THADA: variants seen among roughly 807,000 people sequenced by gnomAD.
THADA encodes THADA armadillo repeat containing, also known as tRNA (32-2'-O)-methyltransferase regulator THADA.
In THADA, 213 loss-of-function variants were observed where a neutral mutation model predicts 219.8. The observed-to-expected ratio is 0.97, with a 90% CI of 0.87 to 1.09. THADA has a LOEUF of 1.09. THADA is among the 50% of genes least tolerant of loss of function. The pLI is 0.00. For missense variants in THADA, 2,956 were observed against 2,311.3 expected (o/e 1.28, Z -5.72); for synonymous variants, 1,018 against 828.9 (o/e 1.23, Z -3.92).
intron 9 of THADA, 97 bp downstream of exon 9, chr2:43,578,416 G>C: frequency 1.2e-6 from 1 of 833,372 alleles, no homozygotes; most frequent in East Asian, 2.9e-5. Context: ...CAAAGTGTTG[G>C]GATTATAAGT....
intron 16 of THADA, among the ~76,000 whole-genome samples, chr2:43,558,850 T>C (rs1288669932): frequency 6.6e-6 from 1 of 152,184 alleles, no homozygotes; most frequent in African/African-American, 2.4e-5. Flanking sequence ...CCTTTAACTA[T>C]TTTACTAATC....
chr2:43,417,009 C>T (rs531327140), intron 28 of THADA, among the ~76,000 whole-genome samples: 117 of 148,128 alleles, frequency 7.9e-4, no homozygotes, highest in African/African-American at 2.8e-3. Flanking sequence ...AAAGTTTCAA[C>T]ACGAATTGAT....
rs556113090 is a variant in THADA, at chr2:43,456,318, A to T, written c.3837-26016T>A. On this transcript the variant is annotated intron_variant, in intron 26 of 37. Coordinates refer to ENST00000405975, the MANE Select transcript of THADA (RefSeq NM_022065.5). ...ATTCAGCCTACTTCCAATGGCAATT[A>T]AAAAATAATAATATGCACAGCATTT... Among the ~76,000 whole-genome samples the T allele has an allele frequency of 1.1e-4, 16 of 152,356 alleles. No individual in the cohort carries two copies. The South Asian group carries it at 2.3e-3, about 22-fold the overall frequency.
At chr2:43,292,601 T>A (rs1674862872) in intron 32 of THADA, among the ~76,000 whole-genome samples, 2 of 152,214 alleles carry the variant, frequency 1.3e-5, no homozygotes, top group South Asian at 4.1e-4. Context: ...TGTCTTTGGT[T>A]AATCTCTGCC....
In THADA at chr2:43,592,003, T is replaced by G. The variant is rs1322977584; in HGVS notation, c.120A>C (p.Leu40Phe). 1.9e-6 allele frequency: 3 copies of G among 1,564,238 alleles called. No individual in the cohort carries two copies. In the Admixed American group the frequency reaches 5.7e-5, roughly 30 times the overall value. The change falls in exon 3 of 38, where the codon TTA (leucine) becomes TTC (phenylalanine). Residue 40 changes from leucine (L) to phenylalanine (F), a missense_variant. Transcript: ENST00000405975. ...VEGKNLASLL[L>F]HCVQLTDGVS... ...CTCCATCCGTGAGTTGCACACAATG[T>G]AACAGCAAAGAAGCTAGATTTTTCC...
At chr2:43,524,031 CA>C (rs1171463137) in intron 22 of THADA, among the ~76,000 whole-genome samples, 1 of 152,044 alleles carries the variant, frequency 6.6e-6, no homozygotes, top group African/African-American at 2.4e-5. Flanking sequence ...TGAATGTCAC[CA>C]AAAAGTTGAA....
intron 29 of THADA, among the ~76,000 whole-genome samples, chr2:43,389,442 A>T (rs1673087164): frequency 6.6e-6 from 1 of 152,204 alleles, no homozygotes; most frequent in Non-Finnish European, 1.5e-5. Context: ...CACCATAGCG[A>T]TACCCTAGTC....
chr2:43,447,874 C>G (rs531303513), intron 26 of THADA, among the ~76,000 whole-genome samples: 1 of 152,190 alleles, frequency 6.6e-6, no homozygotes. Flanking sequence ...AAAAACCACT[C>G]TGGTCTTTGC....
At chr2:43,265,963 ACACACAC>A (rs1671469917) in intron 36 of THADA, among the ~76,000 whole-genome samples, 1 of 134,064 alleles carries the variant, frequency 7.5e-6, no homozygotes, top group Admixed American at 7.2e-5. Context: ...ACACACACAC[ACACACAC>A]ACACACACAC....
intron 36 of THADA, 112 bp downstream of exon 36, chr2:43,279,653 C>T (rs759040583): frequency 5.0e-5 from 68 of 1,369,886 alleles, no homozygotes; most frequent in Non-Finnish European, 6.0e-5. Flanking sequence ...AGAGTTGAGA[C>T]ACAGACCAAA....
intron 21 of THADA, among the ~76,000 whole-genome samples, chr2:43,540,885 G>A (rs1046048393): frequency 6.6e-6 from 1 of 152,106 alleles, no homozygotes; most frequent in Non-Finnish European, 1.5e-5. Flanking sequence ...TATGTGAAAT[G>A]GAGAAATAAA....
chr2:43,344,265 G>A, intron 29 of THADA, 28 bp from the exon 30 acceptor site: 1 of 1,487,172 alleles, frequency 6.7e-7, no homozygotes, highest in Non-Finnish European at 9.2e-7. Context: ...AAAAAATCCT[G>A]CTGTGAAAAT....
At chr2:43,541,122 C>A in intron 21 of THADA, 37 bp downstream of exon 21, 4 of 1,454,876 alleles carry the variant, frequency 2.7e-6, no homozygotes, top group South Asian at 1.5e-5. Context: ...ATGCGTTGAC[C>A]AGAAATTATA....
chr2:43,261,714 C>T (rs995161410), intron 36 of THADA, among the ~76,000 whole-genome samples: 1 of 150,796 alleles, frequency 6.6e-6, no homozygotes, highest in Non-Finnish European at 1.5e-5. Flanking sequence ...CGGCTCACTG[C>T]AACCTCCACT....
chr2:43,538,471 C>G (rs925649809), intron 21 of THADA: 1 of 152,110 alleles, frequency 6.6e-6, no homozygotes, highest in Non-Finnish European at 1.5e-5. Flanking sequence ...CTGGTGACAG[C>G]ACACTGCTTC....
At chr2:43,433,813 G>C (rs894253034) in intron 26 of THADA, among the ~76,000 whole-genome samples, 1 of 152,114 alleles carries the variant, frequency 6.6e-6, no homozygotes, top group East Asian at 1.9e-4. Flanking sequence ...TCAGCCTCCT[G>C]AGTAGCTGGC....
intron 31 of THADA, among the ~76,000 whole-genome samples, chr2:43,302,678 T>G (rs901976752): frequency 2.0e-5 from 3 of 151,864 alleles, no homozygotes; most frequent in Non-Finnish European, 4.4e-5. Context: ...TATCACTTCA[T>G]GAAAGAAAGT....
At chr2:43,284,886 T>C (rs546046384) in intron 35 of THADA, among the ~76,000 whole-genome samples, 47 of 152,182 alleles carry the variant, frequency 3.1e-4, no homozygotes, top group Admixed American at 1.3e-3. Context: ...ATGTGAGACA[T>C]GGAGTCAAAG....
rs891316580 is a variant in THADA at position 43,528,054 on chromosome 2, T to C, written c.3265-66A>G. The C allele has an allele frequency of 2.6e-6, 3 of 1,175,168 alleles. No homozygotes were observed. The African/African-American group carries it at 4.6e-5, about 18-fold the overall frequency. 72.8% of individuals were successfully genotyped at this position (1,175,168 alleles called of 1,614,324 possible). ...ACATTCGCAAGTGTATTTATATCAG[T>C]AACACTGTTTAGAACCCAGGTCTAG... On this transcript the variant is annotated intron_variant, in intron 21 of 37. Coordinates refer to ENST00000405975, the MANE Select transcript of THADA (RefSeq NM_022065.5).
Sources: gnomAD v4.1 joint callset for allele counts (sites outside exome capture counted in the v4.1 genomes callset) on GRCh38, gnomAD v4.1.1 for gene constraint, MANE v1.5 for transcripts, NCBI Gene and HGNC (gene_info 2026-07-23, HGNC 2026-07-21) for gene names.